PCDH15: variants seen among roughly 807,000 people sequenced by gnomAD.
The protein encoded by PCDH15 is protocadherin related 15, also known as protocadherin-15.
Under a neutral mutation model 178.5 loss-of-function variants are expected in PCDH15, and 129 were observed. The ratio of observed to expected loss-of-function variants is 0.72; its 90% confidence interval spans 0.63 to 0.84. PCDH15 has a LOEUF of 0.84. PCDH15 is among the 40% of genes least tolerant of loss of function. The pLI, the probability that PCDH15 is intolerant of heterozygous loss-of-function variation, is 0.00. For synonymous variants in PCDH15, 800 were observed against 732.0 expected (o/e 1.09, Z -1.50); for missense variants, 2,230 against 2,099.9 (o/e 1.06, Z -1.21).
intron 2 of PCDH15, among the ~76,000 whole-genome samples, chr10:55,159,296 T>TTA (rs58341244): frequency 0.019 from 2,935 of 151,214 alleles, 93 homozygotes; most frequent in African/African-American, 0.065. Context: ...CTATATATAG[T>TTA]TATATATATA....
At chr10:54,026,703 A>G (rs1308251923) in intron 18 of PCDH15, among the ~76,000 whole-genome samples, 1 of 152,220 alleles carries the variant, frequency 6.6e-6, no homozygotes, top group Non-Finnish European at 1.5e-5. Flanking sequence ...TCCACTTGAC[A>G]GTAGATGCAG....
chr10:53,882,988 G>A (rs1354044326), intron 26 of PCDH15, among the ~76,000 whole-genome samples: 2 of 152,064 alleles, frequency 1.3e-5, no homozygotes, highest in Non-Finnish European at 2.9e-5. Flanking sequence ...TCCATTTACA[G>A]GCATCATTAA....
intron 2 of PCDH15, among the ~76,000 whole-genome samples, chr10:54,917,078 G>A (rs114839818): frequency 0.01 from 1,522 of 152,188 alleles, 27 homozygotes; most frequent in African/African-American, 0.033. Flanking sequence ...GAATAGCATT[G>A]GTTAGAAACA....
At chr10:54,183,691 T>C in intron 12 of PCDH15, 98 bp from the exon 13 acceptor site, 10 of 1,428,320 alleles carry the variant, frequency 7.0e-6, no homozygotes, top group Non-Finnish European at 9.8e-6. Context: ...ACAGGTAATC[T>C]TACAATTTGA....
rs192787489 is a variant in PCDH15 at position 53,969,015 on chromosome 10, T to G, written c.2869-7123A>C. 7.9e-3 allele frequency among the ~76,000 whole-genome samples: 1,206 copies of G among 152,028 alleles called. 15 individuals carry two copies. Among genetic ancestry groups the G allele is most frequent in the African/African-American group, 0.028 (1,142 of 41,438 alleles). On this transcript the variant is annotated intron_variant, in intron 21 of 37. Transcript: ENST00000644397. ...CTGGATGGAGAATGACTTTGAGGAGTTGAGAGAAGAAGGCTTCAGACCATC... is the reference window on the plus strand; with the variant it reads ...CTGGATGGAGAATGACTTTGAGGAGGTGAGAGAAGAAGGCTTCAGACCATC...
rs188735393 is a variant in PCDH15 at position 53,911,735 on chromosome 10, C to T, written c.3374-8365G>A. ...AATAAAGTCTTGCACCATCACAAGA[C>T]TAAACCAGGAAGAAGTTGAATCTCT... On this transcript the variant is annotated intron_variant, in intron 25 of 37. Transcript: ENST00000644397. 5.1e-3 allele frequency among the ~76,000 whole-genome samples: 777 copies of T among 152,208 alleles called. 9 individuals are homozygous for T. The highest frequency in any genetic ancestry group is 0.018 in the African/African-American group (729 of 41,530).
At chr10:54,220,410 A>G (rs1035973540) in intron 9 of PCDH15, among the ~76,000 whole-genome samples, 58 of 152,288 alleles carry the variant, frequency 3.8e-4, no homozygotes, top group Admixed American at 6.5e-4. Context: ...AAGGTATCTA[A>G]ATTCAGAGTG....
chr10:55,530,617 TAATAG>T (rs1349212636), intron 2 of PCDH15, among the ~76,000 whole-genome samples: 2 of 152,112 alleles, frequency 1.3e-5, no homozygotes, highest in African/African-American at 4.8e-5. Context: ...GTCCCTGAAT[TAATAG>T]AATAAAGTTT....
intron 2 of PCDH15, among the ~76,000 whole-genome samples, chr10:55,381,226 G>C (rs918937915): frequency 6.6e-6 from 1 of 152,098 alleles, no homozygotes; most frequent in African/African-American, 2.4e-5. Flanking sequence ...TGAGTCAAAG[G>C]GTCCTGTAGA....
intron 3 of PCDH15, among the ~76,000 whole-genome samples, chr10:54,494,170 G>A (rs2079890533): frequency 6.6e-6 from 1 of 151,602 alleles, no homozygotes; most frequent in Non-Finnish European, 1.5e-5. Context: ...ACACCAGCAT[G>A]GCACATGTAT....
At chr10:55,060,801 G>GA (rs1564758929) in intron 2 of PCDH15, among the ~76,000 whole-genome samples, 1 of 151,698 alleles carries the variant, frequency 6.6e-6, no homozygotes, top group Admixed American at 6.6e-5. Context: ...TGATACAGGA[G>GA]AAAAAACAAT....
intron 1 of PCDH15, among the ~76,000 whole-genome samples, chr10:55,187,671 G>A (rs1839834067): frequency 6.6e-6 from 1 of 151,934 alleles, no homozygotes; most frequent in African/African-American, 2.4e-5. Flanking sequence ...TGGCTCATGG[G>A]CTGGTTTAAG....
chr10:54,367,715 G>C (rs1194296104), intron 5 of PCDH15, among the ~76,000 whole-genome samples: 1 of 151,790 alleles, frequency 6.6e-6, no homozygotes, highest in Non-Finnish European at 1.5e-5. Context: ...TAGATGATGG[G>C]TTGATGGGTG....
rs897636148 is a variant in PCDH15, at chr10:54,372,118, A to T, written c.319-2843T>A. Among the ~76,000 whole-genome samples the T allele has an allele frequency of 1.1e-4, 16 of 151,964 alleles. No individual in the cohort carries two copies. In the Admixed American group the frequency reaches 1.1e-3, roughly 10 times the overall value. ...AATTAAAAACAAAATAAATATGTGT[A>T]CTGTTTGTCCTTGGCACACCTCTTG... On this transcript the variant is annotated intron_variant, in intron 4 of 37. Transcript: ENST00000644397.
chr10:54,607,720 A>G (rs149533588), intron 2 of PCDH15, among the ~76,000 whole-genome samples: 1,922 of 152,018 alleles, frequency 0.013, 44 homozygotes, highest in African/African-American at 0.044. Context: ...TAATATATTT[A>G]TTAGAAAAAA....
intron 28 of PCDH15, among the ~76,000 whole-genome samples, chr10:53,854,080 G>T (rs2078570119): frequency 6.6e-6 from 1 of 151,956 alleles, no homozygotes; most frequent in Non-Finnish European, 1.5e-5. Context: ...GCTCTATAAA[G>T]GAATGAAATT....
intron 2 of PCDH15, among the ~76,000 whole-genome samples, chr10:55,481,231 T>C (rs548371479): frequency 6.6e-6 from 1 of 151,936 alleles, no homozygotes; most frequent in South Asian, 2.1e-4. Context: ...TTCTGTTTTT[T>C]ACTTTATTAT....
intron 2 of PCDH15, among the ~76,000 whole-genome samples, chr10:55,417,377 C>T (rs12269371): frequency 6.6e-6 from 1 of 151,452 alleles, no homozygotes; most frequent in Non-Finnish European, 1.5e-5. Context: ...AAAATTTTAC[C>T]TTTGAAGTGC....
chr10:55,346,435 CTTAA>C (rs1844755727), intron 2 of PCDH15, among the ~76,000 whole-genome samples: 1 of 152,090 alleles, frequency 6.6e-6, no homozygotes, highest in Admixed American at 6.6e-5. Context: ...TCAGCTTTCC[CTTAA>C]TTCTTATAAT....
Sources: gnomAD v4.1 joint callset for allele counts (sites outside exome capture counted in the v4.1 genomes callset) on GRCh38, gnomAD v4.1.1 for gene constraint, MANE v1.5 for transcripts, NCBI Gene and HGNC (gene_info 2026-07-23, HGNC 2026-07-21) for gene names.